Variants in LRP2 observed in about 807,000 individuals in gnomAD.
The protein encoded by LRP2 is low-density lipoprotein receptor-related protein 2.
In LRP2, 172 loss-of-function variants were observed where a neutral mutation model predicts 531.0. The observed-to-expected ratio is 0.32, with a 90% CI of 0.29 to 0.37. The LOEUF (loss-of-function observed/expected upper bound fraction) is 0.37, where lower values mean the gene tolerates loss of function less well. Among genes scored for constraint, LRP2 ranks in the 10% least tolerant of loss-of-function variants. LRP2 has a pLI of 1.00. For synonymous variants in LRP2, 1,992 were observed against 2,027.6 expected, an observed-to-expected ratio of 0.98 and a Z score of 0.47; for missense variants, 5,167 against 5,868.3, an observed-to-expected ratio of 0.88 and a Z score of 3.90.
intron 44 of LRP2, among the ~76,000 whole-genome samples, chr2:169,200,086 TA>T (rs1273290755): frequency 2.1e-4 from 32 of 151,852 alleles, no homozygotes; most frequent in Admixed American, 6.6e-4. Context: ...TCGTCTCTAC[TA>T]AAAAATACAA....
chr2:169,269,225 A>C (rs2105433596), intron 16 of LRP2, among the ~76,000 whole-genome samples: 1 of 152,290 alleles, frequency 6.6e-6, no homozygotes, highest in East Asian at 1.9e-4. Flanking sequence ...GCTACCAATG[A>C]CTTTCTTCAC....
chr2:169,174,204 C>G (rs765490493), intron 55 of LRP2, 40 bp from the exon 56 acceptor site: 17 of 1,613,488 alleles, frequency 1.1e-5, no homozygotes, highest in Non-Finnish European at 8.5e-7. Context: ...TGGAAGGCAT[C>G]AAGAATGAAA....
intron 77 of LRP2, 72 bp from the exon 78 acceptor site, chr2:169,129,156 C>T (rs910141715): frequency 4.0e-5 from 45 of 1,129,762 alleles, no homozygotes; most frequent in Middle Eastern, 2.0e-4. Flanking sequence ...CCTCCTGTCT[C>T]AGTTTTAAAA....
chr2:169,208,776 G>C (rs1218742772), intron 38 of LRP2, among the ~76,000 whole-genome samples: 1 of 152,128 alleles, frequency 6.6e-6, no homozygotes, highest in Non-Finnish European at 1.5e-5. Flanking sequence ...ATATTTCTAA[G>C]TGATGCCTAC....
intron 48 of LRP2, among the ~76,000 whole-genome samples, chr2:169,189,119 G>A (rs972459138): frequency 2.0e-5 from 3 of 152,182 alleles, no homozygotes; most frequent in African/African-American, 7.2e-5. Context: ...AAGTTATGAT[G>A]TCTAAAGGGG....
At chr2:169,160,932 T>C (rs1686562298) in intron 63 of LRP2, among the ~76,000 whole-genome samples, 1 of 152,222 alleles carries the variant, frequency 6.6e-6, no homozygotes, top group Non-Finnish European at 1.5e-5. Context: ...TTCATACCTC[T>C]TCGTAACTCA....
intron 1 of LRP2, among the ~76,000 whole-genome samples, chr2:169,342,780 A>AT (rs892923797): frequency 5.9e-5 from 9 of 151,804 alleles, no homozygotes; most frequent in African/African-American, 2.2e-4. Context: ...TCAGTTCCTG[A>AT]TAAAAAAAAA....
intron 31 of LRP2, 104 bp downstream of exon 31, chr2:169,231,610 G>T: frequency 7.1e-7 from 1 of 1,410,136 alleles, no homozygotes; most frequent in Non-Finnish European, 1.0e-6. Flanking sequence ...AGGAATCAAA[G>T]GACACAGCAC....
intron 49 of LRP2, among the ~76,000 whole-genome samples, chr2:169,187,312 G>A (rs767361491): frequency 9.2e-5 from 14 of 152,056 alleles, no homozygotes; most frequent in Admixed American, 2.6e-4. Context: ...GGGTCAATTA[G>A]GCAAATGCTT....
intron 16 of LRP2, among the ~76,000 whole-genome samples, chr2:169,262,090 T>C (rs112401075): frequency 8.6e-5 from 13 of 151,926 alleles, no homozygotes; most frequent in Non-Finnish European, 1.9e-4. Flanking sequence ...TGATGGGGCA[T>C]ATCTCAAAAT....
chr2:169,326,041 A>C (rs1374167261), intron 1 of LRP2, among the ~76,000 whole-genome samples: 2 of 152,112 alleles, frequency 1.3e-5, no homozygotes, highest in Admixed American at 6.5e-5. Flanking sequence ...AGATTCACTA[A>C]AGCCACAAAT....
intron 54 of LRP2, among the ~76,000 whole-genome samples, chr2:169,175,777 G>C (rs1687170023): frequency 6.6e-6 from 1 of 152,104 alleles, no homozygotes; most frequent in South Asian, 2.1e-4. Context: ...AAACTGTTGA[G>C]GGTCTTTCTC....
Position 169,355,469 on chromosome 2 carries a change from A to C in LRP2, c.79+6852T>G, listed in dbSNP as rs558555185. ...ATTTCTCTCTGGACTCCACCCCTTC[A>C]TACATGATCTCAAAGACTGAGTATA... On this transcript the variant is annotated intron_variant, in intron 1 of 78. Coordinates refer to ENST00000649046, the MANE Select transcript of LRP2 (RefSeq NM_004525.3). Among the ~76,000 whole-genome samples the C allele has an allele frequency of 5.9e-5, 9 of 152,282 alleles. No individual in the cohort carries two copies. In the South Asian group the frequency reaches 1.9e-3, roughly 32 times the overall value.
At chr2:169,360,074 G>A (rs541553077) in intron 1 of LRP2, among the ~76,000 whole-genome samples, 2 of 145,718 alleles carry the variant, frequency 1.4e-5, no homozygotes, top group Non-Finnish European at 3.0e-5. Context: ...GCAGTGAGCC[G>A]AGATTGCACC....
chr2:169,355,293 C>G (rs1685959193), intron 1 of LRP2, among the ~76,000 whole-genome samples: 1 of 152,178 alleles, frequency 6.6e-6, no homozygotes, highest in Admixed American at 6.5e-5. Context: ...GGGCTGCCAG[C>G]TCTTGAGAAA....
intron 12 of LRP2, among the ~76,000 whole-genome samples, 189 bp from the exon 13 acceptor site, chr2:169,278,140 A>G (rs1029991564): frequency 6.6e-6 from 1 of 152,014 alleles, no homozygotes; most frequent in Non-Finnish European, 1.5e-5. Flanking sequence ...AGGAGCATCA[A>G]CAGTTCCAAA....
At position 169,307,305 on chromosome 2, in the gene LRP2, C is replaced by T. The variant is rs142594441; in HGVS notation, c.403G>A (p.Asp135Asn). 1.3e-3 allele frequency: 2,140 copies of T among 1,613,374 alleles called. 17 individuals carry two copies. Among genetic ancestry groups the T allele is most frequent in the African/African-American group, 4.0e-3 (299 of 75,016 alleles). The change falls in exon 4 of 79, where the codon GAT (aspartate) becomes AAT (asparagine). Residue 135 changes from aspartate to asparagine, a missense_variant. By Grantham distance (23) the Asp-to-Asn change is conservative. Transcript: ENST00000649046. ...CGGCAGTCATTCTCATCAGCTCCAT[C>T]GGGGCAGTCTCTGACGTGGTCGCAC... is the stretch of plus-strand genomic sequence containing the variant. Reference protein sequence around the residue: ...YRCDHVRDCPDGADENDCQYP... With the variant: ...YRCDHVRDCPNGADENDCQYP...
intron 1 of LRP2, among the ~76,000 whole-genome samples, chr2:169,349,585 C>T (rs1383087657): frequency 6.6e-6 from 1 of 152,146 alleles, no homozygotes; most frequent in African/African-American, 2.4e-5. Context: ...TAGGAAGGAC[C>T]AGCTATGAGG....
At chr2:169,330,624 T>G (rs1685239358) in intron 1 of LRP2, among the ~76,000 whole-genome samples, 1 of 152,162 alleles carries the variant, frequency 6.6e-6, no homozygotes. Flanking sequence ...GGACAATTAC[T>G]CATCTTGCAG....
Sources: allele counts gnomAD v4.1 joint callset (sites outside exome capture counted in the v4.1 genomes callset), GRCh38; gene constraint gnomAD v4.1.1; transcripts MANE v1.5; gene names NCBI Gene and HGNC (gene_info 2026-07-23, HGNC 2026-07-21).